Variants in AASDHPPT observed in about 807,000 individuals in gnomAD.
AASDHPPT encodes the protein L-aminoadipate-semialdehyde dehydrogenase-phosphopantetheinyl transferase.
A neutral mutation model predicts 36.4 loss-of-function variants in AASDHPPT; 23 were observed. The ratio of observed to expected loss-of-function variants is 0.63; its 90% CI spans 0.45 to 0.89. The LOEUF is 0.89. Ranked by LOEUF, AASDHPPT falls within the 40% of genes least tolerant of loss-of-function variation. AASDHPPT has a pLI of 0.00. For missense variants in AASDHPPT, 377 were observed against 378.2 expected (o/e 1.00, Z 0.03); for synonymous variants, 115 against 128.0 (o/e 0.90, Z 0.68).
rs1281479912 is a variant in AASDHPPT, at chr11:106,096,919, G to T, written c.*12G>T. The T allele has an allele frequency of 1.3e-6, 2 of 1,579,138 alleles. No individual in the cohort carries two copies. The highest frequency in any genetic ancestry group is 1.7e-6 in the Non-Finnish European group (2 of 1,166,742). On this transcript the variant is annotated 3_prime_UTR_variant, in exon 6 of 6. Coordinates refer to ENST00000278618, the MANE Select transcript of AASDHPPT (RefSeq NM_015423.3). Reference sequence around the variant, plus strand: ...GTACAAAGTCATGATGATTCCCTGAGTAACAAAGGGAAATGAAAACTGTTT... The same window carrying T: ...GTACAAAGTCATGATGATTCCCTGATTAACAAAGGGAAATGAAAACTGTTT...
chr11:106,082,213 A>G (rs774445194), intron 2 of AASDHPPT, among the ~76,000 whole-genome samples: 21 of 152,118 alleles, frequency 1.4e-4, no homozygotes, highest in Non-Finnish European at 2.5e-4. Context: ...TAACACAGAA[A>G]GGAAGAGAGA....
intron 4 of AASDHPPT, chr11:106,092,744 C>T (rs1025684118): frequency 6.7e-6 from 1 of 148,738 alleles, no homozygotes; most frequent in Non-Finnish European, 1.5e-5. Flanking sequence ...ATTTGCAGAA[C>T]CCACGCAACC....
At chr11:106,081,631 A>G (rs886481271) in intron 2 of AASDHPPT, among the ~76,000 whole-genome samples, 2 of 115,278 alleles carry the variant, frequency 1.7e-5, no homozygotes, top group Middle Eastern at 3.5e-3. Flanking sequence ...CTACCTGGTA[A>G]TAATTGGCCC....
At chr11:106,078,453 CGTA>C (rs1861091768) in intron 1 of AASDHPPT, among the ~76,000 whole-genome samples, 1 of 152,114 alleles carries the variant, frequency 6.6e-6, no homozygotes, top group Admixed American at 6.5e-5. Flanking sequence ...CAGTATTTTA[CGTA>C]GATTTATTTA....
intron 4 of AASDHPPT, 90 bp from the exon 5 acceptor site, chr11:106,094,493 G>T (rs1373081620): frequency 8.8e-6 from 8 of 908,622 alleles, no homozygotes; most frequent in South Asian, 1.8e-5. Context: ...TATATAGAGA[G>T]AGAGAGAATG....
At chr11:106,096,625 A>C in intron 5 of AASDHPPT, 118 bp from the exon 6 acceptor site, 3 of 703,458 alleles carry the variant, frequency 4.3e-6, no homozygotes, top group Non-Finnish European at 4.4e-6. Context: ...TAGGAATCCT[A>C]TGTTGTCATT....
At chr11:106,089,333 G>T (rs1357016476) in intron 2 of AASDHPPT, among the ~76,000 whole-genome samples, 2 of 151,992 alleles carry the variant, frequency 1.3e-5, no homozygotes, top group Non-Finnish European at 2.9e-5. Flanking sequence ...TTTGGAGTTG[G>T]TTATTTTAGA....
At chr11:106,094,357 C>T (rs1333553422) in intron 4 of AASDHPPT, 1 of 347,566 alleles carries the variant, frequency 2.9e-6, no homozygotes, top group Non-Finnish European at 5.1e-6. Flanking sequence ...GAGAATGTGC[C>T]TACTAGGAAA....
At chr11:106,095,957 A>C (rs1412920551) in intron 5 of AASDHPPT, 1 of 152,226 alleles carries the variant, frequency 6.6e-6, no homozygotes, top group Non-Finnish European at 1.5e-5. Flanking sequence ...CAACAGTGGC[A>C]TGTTGGGAAG....
chr11:106,089,556 G>A (rs947514859), intron 2 of AASDHPPT: 1 of 151,902 alleles, frequency 6.6e-6, no homozygotes, highest in Admixed American at 6.6e-5. Flanking sequence ...AGGCCCATTA[G>A]GCTGTAAGTA....
intron 2 of AASDHPPT, chr11:106,086,292 T>C (rs1378040100): frequency 6.6e-6 from 1 of 152,266 alleles, no homozygotes; most frequent in Non-Finnish European, 1.5e-5. Flanking sequence ...TAGCAGTCCT[T>C]GGCTTGCAGT....
In AASDHPPT at chr11:106,094,588, C is replaced by A; in HGVS notation, c.699C>A (p.Ser233Arg). The A allele has an allele frequency of 6.2e-7, 1 of 1,602,814 alleles. No individual in the cohort carries two copies. Among genetic ancestry groups the A allele is most frequent in the South Asian group, 1.1e-5 (1 of 88,526 alleles). Residue 233 changes from serine to arginine, a missense_variant, in exon 5 of 6, where the codon AGC (serine) becomes AGA (arginine). Transcript: ENST00000278618. Reference protein sequence around the residue: ...EEEKEWAFEESKIDEHHFVAV... With the variant: ...EEEKEWAFEERKIDEHHFVAV... ...ATTTACCTTTTATCTTTCAGGAAAG[C>A]AAAATAGATGAGCACCATTTTGTTG...
At chr11:106,085,485 A>G (rs1020250933) in intron 2 of AASDHPPT, among the ~76,000 whole-genome samples, 1 of 152,232 alleles carries the variant, frequency 6.6e-6, no homozygotes, top group African/African-American at 2.4e-5. Context: ...TTAAAATAAT[A>G]AACCACTAAG....
intron 1 of AASDHPPT, among the ~76,000 whole-genome samples, chr11:106,079,072 C>T (rs551514758): frequency 7.2e-5 from 11 of 152,208 alleles, no homozygotes; most frequent in South Asian, 6.2e-4. Context: ...ATGGACCAGA[C>T]GTGTGTGTAC....
intron 2 of AASDHPPT, among the ~76,000 whole-genome samples, chr11:106,087,040 T>G (rs1415576819): frequency 6.6e-6 from 1 of 152,220 alleles, no homozygotes. Flanking sequence ...CTTGCCTCTG[T>G]GTGTTAATAC....
At chr11:106,083,774 A>AT (rs1337332117) in intron 2 of AASDHPPT, among the ~76,000 whole-genome samples, 1 of 152,198 alleles carries the variant, frequency 6.6e-6, no homozygotes, top group African/African-American at 2.4e-5. Context: ...GGAATTAGAA[A>AT]TTTAAAAATA....
chr11:106,088,504 C>A (rs912088945), intron 2 of AASDHPPT, among the ~76,000 whole-genome samples: 1 of 151,984 alleles, frequency 6.6e-6, no homozygotes, highest in Non-Finnish European at 1.5e-5. Flanking sequence ...GCTGTTTGTG[C>A]CAAAATCCAT....
Position 106,094,658 on chromosome 11 carries a change from A to G in AASDHPPT, c.765+4A>G. ...CGATGGATCTAGACATCAGGATGTA[A>G]GATTTTAGGATTTCTCTTTTTTCTA... is the stretch of plus-strand genomic sequence containing the variant. On this transcript the variant is annotated splice_donor_region_variant and intron_variant, in intron 5 of 5. Transcript: ENST00000278618. 6.3e-7 allele frequency: 1 copy of G among 1,590,148 alleles called. No homozygotes were observed. Among genetic ancestry groups the G allele is most frequent in the African/African-American group, 1.4e-5 (1 of 73,802 alleles).
chr11:106,094,721 TG>T, intron 5 of AASDHPPT, 67 bp downstream of exon 5: 1 of 1,268,278 alleles, frequency 7.9e-7, no homozygotes, highest in Admixed American at 2.2e-5. Flanking sequence ...TCTTTATTGA[TG>T]GAAATAGTCA....
Sources: gnomAD v4.1 joint callset for allele counts (sites outside exome capture counted in the v4.1 genomes callset) on GRCh38, gnomAD v4.1.1 for gene constraint, MANE v1.5 for transcripts, NCBI Gene and HGNC (gene_info 2026-07-23, HGNC 2026-07-21) for gene names.